The following OXGR1 variants were observed in gnomAD, a reference collection of about 807,000 sequenced individuals.
OXGR1 encodes the protein 2-oxoglutarate receptor 1.
OXGR1 carries 10 observed loss-of-function variants against 10.0 expected under a neutral mutation model. That is an observed-to-expected ratio of 1.00 (90% CI 0.62 to 1.70). OXGR1 has a LOEUF of 1.70. Ranked by LOEUF, OXGR1 falls within the 40% of genes most tolerant of loss-of-function variation. The probability of loss-of-function intolerance (pLI) is 0.00; values close to 1 mark genes in which losing one functional copy is unlikely to be tolerated. For missense variants in OXGR1, 398 were observed against 407.6 expected (o/e 0.98, Z 0.20); for synonymous variants, 191 against 155.9 (o/e 1.22, Z -1.68).
In OXGR1 at chr13:96,987,661, C is replaced by G. The variant is rs780907880; in HGVS notation, c.99G>C (p.Met33Ile). 1 of 1,614,022 alleles carries G rather than the reference C, an allele frequency of 6.2e-7. No homozygotes were observed. Among genetic ancestry groups the G allele is most frequent in the Non-Finnish European group, 8.5e-7 (1 of 1,180,000 alleles). The stretch of plus-strand genomic sequence containing the variant: ...TGCCATAAATAACAGGGAGGTAGTG[C>G]ATCTTGAGTGGGATGTTTTCATCAG... Reference protein sequence around the residue: ...NCTDENIPLKMHYLPVIYGII... With the variant: ...NCTDENIPLKIHYLPVIYGII... Residue 33 changes from methionine (M) to isoleucine (I), a missense_variant, in exon 4 of 4, where the codon ATG becomes ATC. Coordinates refer to ENST00000541038, the MANE Select transcript of OXGR1 (RefSeq NM_001346194.2).
chr13:96,988,682 C>G (rs1460976212), intron 3 of OXGR1, among the ~76,000 whole-genome samples: 1 of 152,120 alleles, frequency 6.6e-6, no homozygotes, highest in Non-Finnish European at 1.5e-5. Context: ...TTTTGGTGCT[C>G]AGATTAGCCA....
intron 2 of OXGR1, among the ~76,000 whole-genome samples, chr13:96,991,084 A>T (rs540120020): frequency 2.0e-5 from 3 of 152,210 alleles, no homozygotes; most frequent in Non-Finnish European, 4.4e-5. Context: ...TGAAGAAAAG[A>T]TGGGTTATAG....
intron 1 of OXGR1, among the ~76,000 whole-genome samples, chr13:96,993,364 C>A (rs1882155735): frequency 1.3e-5 from 2 of 152,002 alleles, no homozygotes; most frequent in Admixed American, 6.5e-5. Context: ...GATTACAGGC[C>A]CGTTCCACCA....
rs943769245 is a variant in OXGR1 at position 96,986,043 on chromosome 13, T to C, written c.*703A>G. Reference sequence around the variant, plus strand: ...CTTCCCCAGGACATGTTAATAATGATGAATACAATTTGATAATTTTCATAC... The same window carrying C: ...CTTCCCCAGGACATGTTAATAATGACGAATACAATTTGATAATTTTCATAC... On this transcript the variant is annotated 3_prime_UTR_variant, in exon 4 of 4. Coordinates refer to ENST00000541038, the MANE Select transcript of OXGR1 (RefSeq NM_001346194.2). The C allele has an allele frequency of 6.6e-6, 1 of 152,240 alleles. No homozygotes were observed. The allele number at this position is 152,240 out of a possible 1,614,324, so 9.4% of individuals were successfully genotyped here.
intron 3 of OXGR1, among the ~76,000 whole-genome samples, chr13:96,988,748 C>T (rs1881912397): frequency 6.6e-6 from 1 of 152,076 alleles, no homozygotes; most frequent in Non-Finnish European, 1.5e-5. Flanking sequence ...GGAAGGAGTG[C>T]AATTTTAACT....
chr13:96,988,762 T>C (rs571759496), intron 3 of OXGR1, among the ~76,000 whole-genome samples: 48 of 152,348 alleles, frequency 3.2e-4, no homozygotes, highest in Admixed American at 3.9e-4. Flanking sequence ...TTTAACTTCC[T>C]TCTTCTTGCT....
At chr13:96,993,148 C>A (rs1350490721) in intron 1 of OXGR1, among the ~76,000 whole-genome samples, 1 of 152,186 alleles carries the variant, frequency 6.6e-6, no homozygotes, top group Non-Finnish European at 1.5e-5. Flanking sequence ...TCTTTCTCCC[C>A]AACCCTTCTG....
intron 2 of OXGR1, among the ~76,000 whole-genome samples, chr13:96,990,388 A>G (rs1881990713): frequency 6.6e-6 from 1 of 152,202 alleles, no homozygotes; most frequent in African/African-American, 2.4e-5. Flanking sequence ...ATAATTCTCC[A>G]GAGTTATTTC....
chr13:96,987,482 T>C lies in OXGR1; in HGVS notation c.278A>G (p.Tyr93Cys), dbSNP rs767837024. ...AAAGATCCAGTTTTCGCCACTGGCA[T>C]AGTAGTGAATCAGGAAGGGGAGGCT... is the stretch of plus-strand genomic sequence containing the variant. ...LTSLPFLIHY[Y>C]ASGENWIFGD... Residue 93 changes from tyrosine to cysteine, a missense_variant, in exon 4 of 4, where the codon TAT (tyrosine) becomes TGT (cysteine). Physicochemically the swap from Tyr to Cys is radical, Grantham distance 194. Coordinates refer to ENST00000541038, the MANE Select transcript of OXGR1 (RefSeq NM_001346194.2). 1 of 1,614,182 alleles carries C rather than the reference T, an allele frequency of 6.2e-7. No individual in the cohort carries two copies. Among genetic ancestry groups the C allele is most frequent in the South Asian group, 1.1e-5 (1 of 91,084 alleles).
chr13:96,986,909 T>C lies in OXGR1; in HGVS notation c.851A>G (p.Tyr284Cys), dbSNP rs141610533. Residue 284 changes from tyrosine to cysteine, a missense_variant, in exon 4 of 4, where the codon TAC (tyrosine) becomes TGC (cysteine). By Grantham distance (194) the Tyr-to-Cys change is radical. Transcript: ENST00000541038. ...CSIENQIHEA[Y>C]IVSRPLAALN... is the part of the protein sequence containing the mutation. ...AGCAGCTAATGGTCTAGAAACGATG[T>C]AAGCTTCATGGATCTGATTCTCAAT... The C allele has an allele frequency of 5.0e-6, 8 of 1,614,112 alleles. No individual in the cohort carries two copies. The African/African-American group carries it at 1.1e-4, about 22-fold the overall frequency.
intron 2 of OXGR1, among the ~76,000 whole-genome samples, chr13:96,991,543 C>T (rs1003017046): frequency 6.6e-6 from 1 of 152,294 alleles, no homozygotes; most frequent in African/African-American, 2.4e-5. Flanking sequence ...TCAGCTTTAA[C>T]ATAACCAAAA....
At position 96,985,863 on chromosome 13, in the gene OXGR1, T is replaced by TG. The variant is rs937671578; in HGVS notation, c.*882dup. 6.6e-6 allele frequency: 1 copy of TG among 152,248 alleles called. No homozygotes were observed. Among genetic ancestry groups the TG allele is most frequent in the African/African-American group, 2.4e-5 (1 of 41,474 alleles). 9.4% of individuals were successfully genotyped at this position (152,248 alleles called of 1,614,324 possible). A position where few individuals can be genotyped will look rare whatever the true frequency, so the allele number is the denominator to read the frequency against. ...TATCTTTAGCTATCACATAGACATA[T>TG]GTTCATTGTAGTCATAAAAGAACAA... On this transcript the variant is annotated 3_prime_UTR_variant, in exon 4 of 4. Transcript: ENST00000541038.
intron 2 of OXGR1, among the ~76,000 whole-genome samples, chr13:96,992,058 G>A (rs972937206): frequency 2.6e-5 from 4 of 152,004 alleles, no homozygotes; most frequent in South Asian, 2.1e-4. Flanking sequence ...GGCATAGAGA[G>A]TAGAAGGATG....
Position 96,987,712 on chromosome 13 carries a change from A to T in OXGR1, c.48T>A (p.Asp16Glu). 1 of 1,610,378 alleles carries T rather than the reference A, an allele frequency of 6.2e-7. No homozygotes were observed. The highest frequency in any genetic ancestry group is 8.5e-7 in the Non-Finnish European group (1 of 1,177,848). ...TGCAATTTCCAAAAGCAGCTGCATA[A>T]TCGGGGAAATCAGAAGCATTTGCTA... is the stretch of plus-strand genomic sequence containing the variant. ...DYLANASDFP[D>E]YAAAFGNCTD... The change falls in exon 4 of 4, where the codon GAT becomes GAA. Residue 16 changes from aspartate to glutamate, a missense_variant. Asp to Glu is a conservative substitution (Grantham distance 45). Coordinates refer to ENST00000541038, the MANE Select transcript of OXGR1 (RefSeq NM_001346194.2).
chr13:96,992,571 T>C lies in OXGR1; in HGVS notation c.-276A>G, dbSNP rs2138906640. The stretch of plus-strand genomic sequence containing the variant: ...AACCTCACGGATTGGGATTCCAAGA[T>C]TCTGTGGGTAAAGAAGGCAGGATCA... On this transcript the variant is annotated splice_region_variant and 5_prime_UTR_variant, in exon 2 of 4. Coordinates refer to ENST00000541038, the MANE Select transcript of OXGR1 (RefSeq NM_001346194.2). 6.6e-6 allele frequency: 1 copy of C among 152,284 alleles called. No individual in the cohort carries two copies. Among genetic ancestry groups the C allele is most frequent in the Non-Finnish European group, 1.5e-5 (1 of 68,024 alleles). 9.4% of individuals were successfully genotyped at this position (152,284 alleles called of 1,614,324 possible).
rs767677557 is a variant in OXGR1, at chr13:96,986,970, G to A, written c.790C>T (p.Arg264Trp). 9.3e-6 allele frequency: 15 copies of A among 1,614,022 alleles called. No homozygotes were observed. The highest frequency in any genetic ancestry group is 1.6e-4 in the Middle Eastern group (1 of 6,084). Residue 264 changes from arginine (R) to tryptophan (W), a missense_variant, in exon 4 of 4, where the codon CGG becomes TGG. Coordinates refer to ENST00000541038, the MANE Select transcript of OXGR1 (RefSeq NM_001346194.2). ...ATTGAAAGCAGGCGAGATTCGATCC[G>A]AATGACCCTCAAGATATGGAAGGGT... is the stretch of plus-strand genomic sequence containing the variant. ...FLPFHILRVI[R>W]IESRLLSISC...
chr13:96,990,840 T>C (rs2138901197), intron 2 of OXGR1, among the ~76,000 whole-genome samples: 1 of 150,774 alleles, frequency 6.6e-6, no homozygotes, highest in Middle Eastern at 3.5e-3. Context: ...TCCCAGCTAC[T>C]TGGGAGGCTG....
intron 1 of OXGR1, among the ~76,000 whole-genome samples, chr13:96,993,935 G>C (rs923178219): frequency 1.3e-5 from 2 of 152,076 alleles, no homozygotes; most frequent in Non-Finnish European, 2.9e-5. Context: ...AACTCTGTTT[G>C]TCTCCTAAGC....
Position 96,986,927 on chromosome 13 carries a change from T to G in OXGR1, c.833A>C (p.Asn278Thr). Residue 278 changes from asparagine to threonine, a missense_variant, in exon 4 of 4, where the codon AAT becomes ACT. By Grantham distance (65) the Asn-to-Thr change is moderately conservative (BLOSUM62 0). Transcript: ENST00000541038. ...AACGATGTAAGCTTCATGGATCTGA[T>G]TCTCAATGGAACAACTGATTGAAAG... Reference protein sequence around the residue: ...RLLSISCSIENQIHEAYIVSR... With the variant: ...RLLSISCSIETQIHEAYIVSR... The G allele has an allele frequency of 6.2e-7, 1 of 1,614,172 alleles. No individual in the cohort carries two copies. Among genetic ancestry groups the G allele is most frequent in the Non-Finnish European group, 8.5e-7 (1 of 1,180,022 alleles).
Sources: gnomAD v4.1 joint callset for allele counts (sites outside exome capture counted in the v4.1 genomes callset) on GRCh38, gnomAD v4.1.1 for gene constraint, MANE v1.5 for transcripts, NCBI Gene and HGNC (gene_info 2026-07-23, HGNC 2026-07-21) for gene names.